The following RPS4Y1 variants were observed in gnomAD, a reference collection of about 807,000 sequenced individuals.
The protein encoded by RPS4Y1 is small ribosomal subunit protein eS4, Y isoform 1.
For synonymous variants in RPS4Y1, 23 were observed against 20.8 expected (o/e 1.10, Z -0.28); for missense variants, 30 against 60.9 (o/e 0.49, Z 1.69).
intron 1 of RPS4Y1, chrY:2,841,959 G>A (rs867188203): frequency 2.7e-6 from 1 of 375,058 alleles, no homozygotes; most frequent in Non-Finnish European, 3.7e-6. Context: ...AGGGAGACCC[G>A]CCAAGTTTTC....
At chrY:2,856,218 A>G in intron 5 of RPS4Y1, among the ~76,000 whole-genome samples, 1 of 33,316 alleles carries the variant, frequency 3.0e-5, no homozygotes, top group African/African-American at 1.2e-4. Context: ...GGCTCACTGC[A>G]AGCTCCACCT....
intron 4 of RPS4Y1, among the ~76,000 whole-genome samples, chrY:2,849,285 A>G: frequency 5.9e-5 from 2 of 33,635 alleles, no homozygotes; most frequent in Non-Finnish European, 1.5e-4. Context: ...TTTCTCTCAG[A>G]CATTTCCTTT....
At position 2,849,990 on chromosome Y, in the gene RPS4Y1, G is replaced by A. The variant is rs563718410; in HGVS notation, c.360+4247G>A. 6.4e-4 allele frequency among the ~76,000 whole-genome samples: 22 copies of A among 34,438 alleles called. No homozygotes were observed. The South Asian group carries it at 0.013, about 21-fold the overall frequency. 92.4% of individuals were successfully genotyped at this position (34,438 alleles called of 37,273 possible). On this transcript the variant is annotated intron_variant, in intron 4 of 6. Coordinates refer to ENST00000250784, the MANE Select transcript of RPS4Y1 (RefSeq NM_001008.4). ...CCTGGTCAGTCAGCTCTGTATAGAG[G>A]TTAGACACAGAACTGTTACCCGTTA... is the stretch of plus-strand genomic sequence containing the variant.
intron 5 of RPS4Y1, among the ~76,000 whole-genome samples, chrY:2,861,964 C>T: frequency 1.3e-4 from 4 of 31,747 alleles, no homozygotes; most frequent in Non-Finnish European, 3.1e-4. Context: ...GTTAGCCAGG[C>T]TAGTGTTGAA....
At chrY:2,843,367 C>G (rs112887592) in intron 2 of RPS4Y1, among the ~76,000 whole-genome samples, 5 of 33,565 alleles carry the variant, frequency 1.5e-4, no homozygotes, top group African/African-American at 5.8e-4. Context: ...TTAAGAGAGA[C>G]AAAGCTAGAG....
chrY:2,861,607 CTTTTTTTTTTTT>C lies in RPS4Y1; in HGVS notation c.533-3467_533-3456del, dbSNP rs1267656120. 2.6e-4 allele frequency among the ~76,000 whole-genome samples: 3 copies of C among 11,491 alleles called. No individual in the cohort carries two copies. The South Asian group carries it at 6.6e-3, about 25-fold the overall frequency. 30.8% of individuals were successfully genotyped at this position (11,491 alleles called of 37,273 possible). On this transcript the variant is annotated intron_variant, in intron 5 of 6. Transcript: ENST00000250784. ...CTGCTCCACCCCCATCCCTGTATGT[CTTTTTTTTTTTT>C]TTTTTTTTTTTTTGAGCTGGAGTTT...
intron 1 of RPS4Y1, 91 bp from the exon 2 acceptor site, chrY:2,842,074 G>A: frequency 3.1e-6 from 1 of 319,746 alleles, no homozygotes; most frequent in Non-Finnish European, 4.7e-6. Context: ...CCTTGAGTCA[G>A]GTATTACCCG....
At chrY:2,842,557 G>A in intron 2 of RPS4Y1, among the ~76,000 whole-genome samples, 1 of 32,517 alleles carries the variant, frequency 3.1e-5, no homozygotes, top group Non-Finnish European at 7.5e-5. Context: ...GTGACAGTCC[G>A]CTGAGTCCCC....
intron 5 of RPS4Y1, among the ~76,000 whole-genome samples, chrY:2,859,616 C>T (rs2051162094): frequency 3.0e-5 from 1 of 33,029 alleles, no homozygotes; most frequent in African/African-American, 1.2e-4. Flanking sequence ...GAATGTTTTT[C>T]TATTGTGTAT....
At chrY:2,845,072 G>A in intron 3 of RPS4Y1, among the ~76,000 whole-genome samples, 1 of 32,592 alleles carries the variant, frequency 3.1e-5, no homozygotes, top group Non-Finnish European at 7.5e-5. Context: ...GTTCCAGGCC[G>A]GACATTCCTA....
chrY:2,848,756 TTAAAA>T (rs2051154253), intron 4 of RPS4Y1, among the ~76,000 whole-genome samples: 7 of 33,918 alleles, frequency 2.1e-4, no homozygotes, highest in African/African-American at 8.0e-4. Context: ...AGTTCTTCTA[TTAAAA>T]TAAATCTGAA....
chrY:2,841,896 A>G (rs1421038511), intron 1 of RPS4Y1: 2 of 374,376 alleles, frequency 5.3e-6, no homozygotes, highest in East Asian at 1.0e-4. Context: ...CACACGTTGA[A>G]GCAGCCTCAG....
At chrY:2,842,265 T>TG in intron 2 of RPS4Y1, 23 bp downstream of exon 2, 1 of 378,286 alleles carries the variant, frequency 2.6e-6, no homozygotes. Context: ...TTGTTTTTTG[T>TG]GGTTTTTTTT....
chrY:2,842,587 T>G (rs982398322), intron 2 of RPS4Y1, among the ~76,000 whole-genome samples: 13 of 32,840 alleles, frequency 4.0e-4, no homozygotes, highest in Admixed American at 2.5e-3. Flanking sequence ...TCAAATGCGT[T>G]TAATTTAAAG....
intron 4 of RPS4Y1, among the ~76,000 whole-genome samples, chrY:2,850,293 ATATAGCAGTGAACTGCATGGTGC>A (rs2051155360): frequency 2.9e-5 from 1 of 34,383 alleles, no homozygotes; most frequent in African/African-American, 1.1e-4. Context: ...TGATGTTGTG[ATATAGCAGTGAACTGCATGGTGC>A]TGTTGCTATC....
chrY:2,865,194 C>T lies in RPS4Y1; in HGVS notation c.639C>T (p.Ala213=), dbSNP rs11538311. Reference sequence around the variant, plus strand: ...TTGATGTGGTGCATGTGAAGGATGCCAATGGCAACAGCTTTGCCACGAGGC... The same window carrying T: ...TTGATGTGGTGCATGTGAAGGATGCTAATGGCAACAGCTTTGCCACGAGGC... The part of the protein sequence containing the change: ...GSFDVVHVKD[A]NGNSFATRLS... Residue 213 remains alanine (A), a synonymous_variant, in exon 6 of 7, where the codon GCC becomes GCT. Transcript: ENST00000250784. The T allele has an allele frequency of 2.0e-5, 8 of 395,889 alleles. No individual in the cohort carries two copies. The highest frequency in any genetic ancestry group is 1.3e-4 in the African/African-American group (2 of 15,520).
chrY:2,854,729 T>A lies in RPS4Y1; in HGVS notation c.490T>A (p.Leu164Ile). ...GGTGAACGATACTGTGCAGATTGAT[T>A]TAGGGACTGGCAAGATAATCAACTT... is the stretch of plus-strand genomic sequence containing the variant. ...IKVNDTVQID[L>I]GTGKIINFIK... Residue 164 changes from leucine to isoleucine, a missense_variant, in exon 5 of 7, where the codon TTA (leucine) becomes ATA (isoleucine). Physicochemically the swap from Leu to Ile is conservative, Grantham distance 5. Transcript: ENST00000250784. 1 of 397,773 alleles carries A rather than the reference T, an allele frequency of 2.5e-6. No individual in the cohort carries two copies. The highest frequency in any genetic ancestry group is 3.0e-5 in the South Asian group (1 of 33,701).
intron 4 of RPS4Y1, among the ~76,000 whole-genome samples, chrY:2,850,846 T>TC (rs2051155627): frequency 4.7e-5 from 1 of 21,345 alleles, no homozygotes; most frequent in Non-Finnish European, 1.2e-4. Context: ...CTTTCTTTTT[T>TC]TTTTTTTTTT....
intron 4 of RPS4Y1, among the ~76,000 whole-genome samples, chrY:2,848,312 T>C: frequency 3.0e-5 from 1 of 33,073 alleles, no homozygotes; most frequent in Non-Finnish European, 7.4e-5. Context: ...TAGTGCCTTT[T>C]TGGTGGGCAA....
Sources: gnomAD v4.1 joint callset for allele counts (sites outside exome capture counted in the v4.1 genomes callset) on GRCh38, gnomAD v4.1.1 for gene constraint, MANE v1.5 for transcripts, NCBI Gene and HGNC (gene_info 2026-07-23, HGNC 2026-07-21) for gene names.